Variants in CAPN8 observed in about 807,000 individuals in gnomAD.
The protein encoded by CAPN8 is calpain 8.
A neutral mutation model predicts 80.9 loss-of-function variants in CAPN8; 87 were observed. That is an observed-to-expected ratio of 1.07 (90% confidence interval 0.90 to 1.28). The LOEUF is 1.28. CAPN8 is among the 50% of genes most tolerant of loss of function. The probability of loss-of-function intolerance (pLI) is 0.00; values close to 1 mark genes in which losing one functional copy is unlikely to be tolerated. For missense variants in CAPN8, 757 were observed against 702.0 expected (o/e 1.08, Z -0.89); for synonymous variants, 299 against 273.8 (o/e 1.09, Z -0.91).
intron 7 of CAPN8, among the ~76,000 whole-genome samples, chr1:223,620,694 T>C (rs1657362022): frequency 6.6e-6 from 1 of 152,152 alleles, no homozygotes; most frequent in East Asian, 1.9e-4. Context: ...TCCAGCAGTC[T>C]AGGGTGAATA....
rs368217262 is a variant in CAPN8, at chr1:223,656,930, C to T, written c.238-2531G>A. Among the ~76,000 whole-genome samples the T allele has an allele frequency of 4.5e-3, 691 of 152,066 alleles. 9 individuals carry two copies. The highest frequency in any genetic ancestry group is 0.015 in the African/African-American group (635 of 41,476). The stretch of plus-strand genomic sequence containing the variant: ...CCATCTCCTGACCTCGTGATCCGCC[C>T]GCCTCGGCCTCCCAAAGTGCTGGGA... On this transcript the variant is annotated intron_variant, in intron 1 of 20. Coordinates refer to ENST00000366872, the MANE Select transcript of CAPN8 (RefSeq NM_001143962.2).
rs1572242126 is a variant in CAPN8, at chr1:223,627,246, G to A, written c.561-89C>T. ...GACCGGGACAGTGCTAGGACATACTGTGGCCTGGAAGATAAAGGAAGGCTC... is the reference window on the plus strand; with the variant it reads ...GACCGGGACAGTGCTAGGACATACTATGGCCTGGAAGATAAAGGAAGGCTC... On this transcript the variant is annotated intron_variant, in intron 4 of 20. Coordinates refer to ENST00000366872, the MANE Select transcript of CAPN8 (RefSeq NM_001143962.2). 2.7e-5 allele frequency: 38 copies of A among 1,390,920 alleles called. No homozygotes were observed. The East Asian group carries it at 9.3e-4, about 34-fold the overall frequency. 86.2% of individuals were successfully genotyped at this position (1,390,920 alleles called of 1,614,324 possible).
intron 8 of CAPN8, among the ~76,000 whole-genome samples, chr1:223,619,976 G>T (rs1657334752): frequency 6.6e-6 from 1 of 152,198 alleles, no homozygotes; most frequent in Non-Finnish European, 1.5e-5. Context: ...CAGGCTGATA[G>T]CTAAGCCAGG....
intron 2 of CAPN8, chr1:223,642,564 G>A: frequency 3.1e-6 from 1 of 326,158 alleles, no homozygotes; most frequent in Non-Finnish European, 6.0e-6. Flanking sequence ...CTGGGCCAGG[G>A]GGGTCTTCGG....
intron 13 of CAPN8, among the ~76,000 whole-genome samples, chr1:223,555,637 T>C (rs1656887701): frequency 6.6e-6 from 1 of 152,120 alleles, no homozygotes; most frequent in African/African-American, 2.4e-5. Context: ...TCTCCATGTC[T>C]GGAAAAACAT....
rs544590585 is a variant in CAPN8 at position 223,661,029 on chromosome 1, G to T, written c.237+4381C>A. 5.3e-5 allele frequency among the ~76,000 whole-genome samples: 8 copies of T among 151,848 alleles called. No individual in the cohort carries two copies. In the South Asian group the frequency reaches 1.7e-3, roughly 32 times the overall value. On this transcript the variant is annotated intron_variant, in intron 1 of 20. Transcript: ENST00000366872. Reference sequence around the variant, plus strand: ...TAAAAACACAAAAAATTAGCCAATTGGTGGCAGGAGCCTGTGGTCACAGTT... The same window carrying T: ...TAAAAACACAAAAAATTAGCCAATTTGTGGCAGGAGCCTGTGGTCACAGTT...
At chr1:223,656,841 G>A (rs368094795) in intron 1 of CAPN8, among the ~76,000 whole-genome samples, 55 of 151,760 alleles carry the variant, frequency 3.6e-4, no homozygotes, top group Middle Eastern at 6.8e-3. Flanking sequence ...CCACCACCAC[G>A]CCCAGCTAAT....
chr1:223,640,740 G>A (rs1204051258), intron 2 of CAPN8, among the ~76,000 whole-genome samples: 2 of 152,126 alleles, frequency 1.3e-5, no homozygotes, highest in Non-Finnish European at 2.9e-5. Flanking sequence ...TCCAGGAGCA[G>A]TAATTAGGAG....
chr1:223,549,151 C>T (rs1656713476), intron 16 of CAPN8, among the ~76,000 whole-genome samples, 167 bp downstream of exon 16: 1 of 152,134 alleles, frequency 6.6e-6, no homozygotes, highest in South Asian at 2.1e-4. Flanking sequence ...TGATATGATA[C>T]ATTTTCCTTT....
At position 223,626,300 on chromosome 1, in the gene CAPN8, A is replaced by G. The variant is rs1657575955; in HGVS notation, c.730-412T>C. 2.0e-5 allele frequency among the ~76,000 whole-genome samples: 3 copies of G among 151,004 alleles called. No homozygotes were observed. In the South Asian group the frequency reaches 6.4e-4, roughly 32 times the overall value. ...CCATTTCCTCAGCACCCCCTCTCCC[A>G]TGCCCCATACCACCCCTCCACCAAA... On this transcript the variant is annotated intron_variant, in intron 5 of 20. Transcript: ENST00000366872.
intron 2 of CAPN8, among the ~76,000 whole-genome samples, chr1:223,631,707 TG>T (rs1324210247): frequency 6.6e-6 from 1 of 152,216 alleles, no homozygotes; most frequent in Non-Finnish European, 1.5e-5. Context: ...CTCCCAAGTC[TG>T]TGGGGAAGTG....
intron 2 of CAPN8, among the ~76,000 whole-genome samples, chr1:223,641,480 C>T (rs571084586): frequency 6.6e-6 from 1 of 152,136 alleles, no homozygotes; most frequent in African/African-American, 2.4e-5. Flanking sequence ...GCAATTGTCT[C>T]TTCCTGGTGT....
At chr1:223,654,842 A>ATTT (rs35365292) in intron 1 of CAPN8, among the ~76,000 whole-genome samples, 5,680 of 111,572 alleles carry the variant, frequency 0.051, 311 homozygotes, top group African/African-American at 0.14. Flanking sequence ...CACCCGGCTA[A>ATTT]TTTTTTTTTT....
chr1:223,619,434 C>G lies in CAPN8; in HGVS notation c.994G>C (p.Val332Leu). 6.4e-7 allele frequency: 1 copy of G among 1,551,564 alleles called. No homozygotes were observed. The highest frequency in any genetic ancestry group is 8.7e-7 in the Non-Finnish European group (1 of 1,146,970). Reference sequence around the variant, plus strand: ...ATCTCCAACCGAGAGAACTGCCTCACGAAATCTGAAAGTGACATCCTGGGG... The same window carrying G: ...ATCTCCAACCGAGAGAACTGCCTCAGGAAATCTGAAAGTGACATCCTGGGG... ...GEFWMSLSDF[V>L]RQFSRLEICN... is the part of the protein sequence containing the mutation. The change falls in exon 9 of 21, where the codon GTG becomes CTG. Residue 332 changes from valine (V) to leucine (L), a missense_variant. By Grantham distance (32) the Val-to-Leu change is conservative. Coordinates refer to ENST00000366872, the MANE Select transcript of CAPN8 (RefSeq NM_001143962.2).
chr1:223,646,089 C>T (rs1658184504), intron 2 of CAPN8, among the ~76,000 whole-genome samples: 1 of 152,158 alleles, frequency 6.6e-6, no homozygotes, highest in African/African-American at 2.4e-5. Flanking sequence ...GAGGGATTGC[C>T]CAGCCAGAAA....
At chr1:223,610,559 G>A (rs1241522835) in intron 11 of CAPN8, among the ~76,000 whole-genome samples, 1 of 152,218 alleles carries the variant, frequency 6.6e-6, no homozygotes, top group Non-Finnish European at 1.5e-5. Flanking sequence ...AAGCACTCAG[G>A]AGAGTTGAAG....
intron 2 of CAPN8, among the ~76,000 whole-genome samples, chr1:223,633,151 A>G (rs1310843049): frequency 3.3e-5 from 5 of 152,148 alleles, no homozygotes; most frequent in Admixed American, 2.6e-4. Flanking sequence ...CCCCCTATTT[A>G]TGCTTCTTGT....
intron 2 of CAPN8, among the ~76,000 whole-genome samples, chr1:223,629,445 G>T (rs1657710917): frequency 6.6e-6 from 1 of 152,182 alleles, no homozygotes. Context: ...GGGTTTTGGT[G>T]TTCGTCACAT....
In CAPN8 at chr1:223,644,442, C is replaced by G. The variant is rs145915056; in HGVS notation, c.307+9888G>C. 4.2e-3 allele frequency: 702 copies of G among 165,352 alleles called. 5 individuals are homozygous for G. Among genetic ancestry groups the G allele is most frequent in the African/African-American group, 0.016 (673 of 41,716 alleles). 10.2% of individuals were successfully genotyped at this position (165,352 alleles called of 1,614,324 possible). A position where few individuals can be genotyped will look rare whatever the true frequency, so the allele number is the denominator to read the frequency against. On this transcript the variant is annotated intron_variant, in intron 2 of 20. Coordinates refer to ENST00000366872, the MANE Select transcript of CAPN8 (RefSeq NM_001143962.2). The stretch of plus-strand genomic sequence containing the variant: ...AAACTGCAAAATCTGGCCAAAATTT[C>G]TCTCTCTACTTATTCTACAGATATT...
Sources: allele counts gnomAD v4.1 joint callset (sites outside exome capture counted in the v4.1 genomes callset), GRCh38; gene constraint gnomAD v4.1.1; transcripts MANE v1.5; gene names NCBI Gene and HGNC (gene_info 2026-07-23, HGNC 2026-07-21).